The following SYBU variants were observed in gnomAD, a reference collection of about 807,000 sequenced individuals.
The protein encoded by SYBU is GOLSYN A protein.
In SYBU, 21 loss-of-function variants were observed where a neutral mutation model predicts 35.9. The observed-to-expected ratio is 0.58, with a 90% CI of 0.41 to 0.84. The LOEUF (loss-of-function observed/expected upper bound fraction) is 0.84. SYBU is among the 40% of genes least tolerant of loss of function. SYBU has a pLI of 0.00. For synonymous variants in SYBU, 319 were observed against 324.3 expected, an observed-to-expected ratio of 0.98 and a Z score of 0.18; for missense variants, 768 against 848.2, an observed-to-expected ratio of 0.91 and a Z score of 1.17.
chr8:109,607,831 CACACACA>C, intron 3 of SYBU: 1 of 760,628 alleles, frequency 1.3e-6, no homozygotes, highest in South Asian at 1.7e-5. Context: ...CACACACACA[CACACACA>C]CACACACACA....
At chr8:109,628,688 T>C (rs879938216) in intron 2 of SYBU, among the ~76,000 whole-genome samples, 10 of 151,900 alleles carry the variant, frequency 6.6e-5, no homozygotes, top group Non-Finnish European at 1.5e-4. Flanking sequence ...TAAAGTTAGC[T>C]GGTCATGTCT....
At chr8:109,611,970 A>G (rs1169708254) in intron 3 of SYBU, among the ~76,000 whole-genome samples, 1 of 152,246 alleles carries the variant, frequency 6.6e-6, no homozygotes, top group Non-Finnish European at 1.5e-5. Context: ...ATTTTAAAAA[A>G]TTGTGTTTTA....
chr8:109,687,333 A>G (rs1817543746), intron 1 of SYBU, among the ~76,000 whole-genome samples: 1 of 152,234 alleles, frequency 6.6e-6, no homozygotes, highest in Non-Finnish European at 1.5e-5. Context: ...AAAAGAGAAT[A>G]AAGCTCAGGT....
upstream of SYBU, among the ~76,000 whole-genome samples, chr8:109,685,663 C>G (rs1563781209): frequency 6.6e-6 from 1 of 152,112 alleles, no homozygotes; most frequent in Admixed American, 6.5e-5. Context: ...TCATAATTCT[C>G]ACAATTATAT....
intron 3 of SYBU, among the ~76,000 whole-genome samples, chr8:109,597,233 A>G (rs1403896239): frequency 1.3e-5 from 2 of 152,224 alleles, no homozygotes; most frequent in Non-Finnish European, 2.9e-5. Context: ...TCATCGAGGG[A>G]GAAACCTCTT....
intron 3 of SYBU, among the ~76,000 whole-genome samples, chr8:109,591,626 C>T (rs906348499): frequency 6.0e-5 from 9 of 149,016 alleles, no homozygotes; most frequent in Non-Finnish European, 1.0e-4. Flanking sequence ...ATTCTCCTGC[C>T]TCAGCCTCCC....
chr8:109,671,775 T>C (rs1816989808), intron 1 of SYBU, among the ~76,000 whole-genome samples: 1 of 152,180 alleles, frequency 6.6e-6, no homozygotes, highest in African/African-American at 2.4e-5. Flanking sequence ...GCACAAAAGA[T>C]GCTATGGGTA....
At chr8:109,682,978 T>C (rs536791670), upstream of SYBU, among the ~76,000 whole-genome samples, 5 of 152,290 alleles carry the variant, frequency 3.3e-5, no homozygotes, top group Admixed American at 6.5e-5. Context: ...TGTGGGTGCA[T>C]AGAAGTCAAG....
At chr8:109,619,095 A>C (rs1266593226) in intron 2 of SYBU, 56 bp from the exon 3 acceptor site, 1 of 1,409,950 alleles carries the variant, frequency 7.1e-7, no homozygotes, top group Non-Finnish European at 1.0e-6. Flanking sequence ...AATGATGGTG[A>C]GAAGCCATGC....
At chr8:109,606,583 C>G (rs1563714667) in intron 3 of SYBU, among the ~76,000 whole-genome samples, 1 of 152,168 alleles carries the variant, frequency 6.6e-6, no homozygotes, top group Non-Finnish European at 1.5e-5. Context: ...GTGTCATCCA[C>G]ATGGTTTCCA....
chr8:109,689,832 GAAAA>G (rs544879954), intron 1 of SYBU, among the ~76,000 whole-genome samples: 1,091 of 102,718 alleles, frequency 0.011, 9 homozygotes, highest in African/African-American at 0.036. Flanking sequence ...ACTACAATAT[GAAAA>G]AAAAAAAAAA....
At chr8:109,639,958 G>C (rs1263814781) in intron 2 of SYBU, among the ~76,000 whole-genome samples, 1 of 152,174 alleles carries the variant, frequency 6.6e-6, no homozygotes, top group Non-Finnish European at 1.5e-5. Context: ...AAGCCTTTGT[G>C]GGGTTTATCA....
intron 2 of SYBU, among the ~76,000 whole-genome samples, chr8:109,621,663 A>G (rs1361550683): frequency 6.6e-6 from 1 of 152,220 alleles, no homozygotes; most frequent in African/African-American, 2.4e-5. Context: ...GAGTTTATAA[A>G]TAAGCCAAAA....
At chr8:109,673,076 C>G (rs575630607) in intron 1 of SYBU, among the ~76,000 whole-genome samples, 1 of 152,284 alleles carries the variant, frequency 6.6e-6, no homozygotes, top group Admixed American at 6.5e-5. Context: ...GGACAGAGCA[C>G]CTGGGGGAAG....
intron 3 of SYBU, chr8:109,608,128 G>C: frequency 1.9e-6 from 1 of 538,962 alleles, no homozygotes; most frequent in South Asian, 3.0e-5. Flanking sequence ...GAGGCAGAGG[G>C]AAAGCCAGCC....
At position 109,663,260 on chromosome 8, in the gene SYBU, G is replaced by T. The variant is rs73700918; in HGVS notation, c.-129+17451C>A. Among the ~76,000 whole-genome samples, 694 of 79,282 alleles carry T rather than the reference G, an allele frequency of 8.8e-3. 8 individuals are homozygous for T. The highest frequency in any genetic ancestry group is 0.048 in the African/African-American group (628 of 13,128). The allele number at this position is 79,282 out of a possible 152,430, so 52.0% of individuals were successfully genotyped here. Reference sequence around the variant, plus strand: ...GGTCAGTTTAATAAAAATACATACAGATAGATAGATAGATAGATAGATAGA... The same window carrying T: ...GGTCAGTTTAATAAAAATACATACATATAGATAGATAGATAGATAGATAGA... On this transcript the variant is annotated intron_variant, in intron 1 of 5. Coordinates refer to the SYBU transcript ENST00000408889.
chr8:109,599,686 T>C (rs1169394967), intron 3 of SYBU, among the ~76,000 whole-genome samples: 1 of 152,246 alleles, frequency 6.6e-6, no homozygotes, highest in African/African-American at 2.4e-5. Context: ...CAGCTGCTCC[T>C]TGTGGCCCTG....
chr8:109,633,207 A>G (rs901134577), intron 2 of SYBU, among the ~76,000 whole-genome samples: 1 of 152,232 alleles, frequency 6.6e-6, no homozygotes, highest in Non-Finnish European at 1.5e-5. Context: ...TCCAGAATCA[A>G]TAGAAGGGTA....
upstream of SYBU, among the ~76,000 whole-genome samples, chr8:109,682,788 A>G (rs1473981858): frequency 2.6e-5 from 4 of 152,300 alleles, no homozygotes; most frequent in South Asian, 4.1e-4. Context: ...GAGGCCTAGT[A>G]GGAAAAAAAG....
Sources: gnomAD v4.1 joint callset for allele counts (sites outside exome capture counted in the v4.1 genomes callset) on GRCh38, gnomAD v4.1.1 for gene constraint, MANE v1.5 for transcripts, NCBI Gene and HGNC (gene_info 2026-07-23, HGNC 2026-07-21) for gene names.